ADAMTS13: variants seen among roughly 807,000 people sequenced by gnomAD.
ADAMTS13 encodes ADAM metallopeptidase with thrombospondin type 1 motif 13.
ADAMTS13 carries 110 observed loss-of-function variants against 155.1 expected under a neutral mutation model. That is an observed-to-expected ratio of 0.71 (90% CI 0.61 to 0.83). The LOEUF (loss-of-function observed/expected upper bound fraction) is 0.83. Ranked by LOEUF, ADAMTS13 falls within the 40% of genes least tolerant of loss-of-function variation. The pLI is 0.00. For missense variants in ADAMTS13, 1,707 were observed against 1,891.7 expected, an observed-to-expected ratio of 0.90 and a Z score of 1.81; for synonymous variants, 758 against 756.4, an observed-to-expected ratio of 1.00 and a Z score of -0.03.
At chr9:133,453,793 G>A (rs1240977996) in intron 23 of ADAMTS13, among the ~76,000 whole-genome samples, 1 of 152,214 alleles carries the variant, frequency 6.6e-6, no homozygotes, top group Non-Finnish European at 1.5e-5. Context: ...CTGAGAGGAG[G>A]TGGGGTCTGG....
intron 11 of ADAMTS13, among the ~76,000 whole-genome samples, chr9:133,435,875 C>A (rs782128373): frequency 6.6e-6 from 1 of 152,222 alleles, no homozygotes; most frequent in East Asian, 1.9e-4. Context: ...TCCACAGTGC[C>A]TGAACTGTTT....
intron 25 of ADAMTS13, 70 bp from the exon 26 acceptor site, chr9:133,455,999 G>A (rs1842718505): frequency 3.1e-6 from 5 of 1,603,798 alleles, no homozygotes; most frequent in South Asian, 1.1e-5. Flanking sequence ...TCCTCAGCTT[G>A]GAAGCCCCGG....
intron 23 of ADAMTS13, among the ~76,000 whole-genome samples, chr9:133,451,649 A>G (rs1039112025): frequency 1.3e-5 from 2 of 152,172 alleles, no homozygotes; most frequent in African/African-American, 4.8e-5. Context: ...TCAGCACTTC[A>G]GGAGGCTGAG....
rs782326692 is a variant in ADAMTS13 at position 133,454,638 on chromosome 9, C to T, written c.3249+19C>T. The T allele has an allele frequency of 4.4e-5, 69 of 1,580,134 alleles. No individual in the cohort carries two copies. The highest frequency in any genetic ancestry group is 4.9e-5 in the Non-Finnish European group (57 of 1,170,566). On this transcript the variant is annotated intron_variant, in intron 24 of 28. Coordinates refer to ENST00000355699, the MANE Select transcript of ADAMTS13 (RefSeq NM_139027.6). ...GATGGAGGTGAGCACAGCGGGCACTCGGAATCCCTATGGGGCTGGGGTGGG... is the reference window on the plus strand; with the variant it reads ...GATGGAGGTGAGCACAGCGGGCACTTGGAATCCCTATGGGGCTGGGGTGGG...
At chr9:133,418,180 G>A (rs944691432), upstream of ADAMTS13, 3 of 366,416 alleles carry the variant, frequency 8.2e-6, no homozygotes, top group Admixed American at 9.1e-5. Flanking sequence ...TTTGACTGGG[G>A]CAAGCCGAGG....
In ADAMTS13 at chr9:133,456,303, G is replaced by A. The variant is rs1564445548; in HGVS notation, c.3547+88G>A. The A allele has an allele frequency of 6.3e-7, 1 of 1,591,512 alleles. No homozygotes were observed. The highest frequency in any genetic ancestry group is 8.6e-7 in the Non-Finnish European group (1 of 1,167,868). On this transcript the variant is annotated intron_variant, in intron 26 of 28. Coordinates refer to ENST00000355699, the MANE Select transcript of ADAMTS13 (RefSeq NM_139027.6). The surrounding 1 kb of genome is among the most constrained non-coding windows in gnomAD (Gnocchi z 4.4). ...GCTGCATGCCCCATTCCTGGCAGGAGCCCATGTGCATTCCCACCTGTAGTT... is the reference window on the plus strand; with the variant it reads ...GCTGCATGCCCCATTCCTGGCAGGAACCCATGTGCATTCCCACCTGTAGTT...
chr9:133,436,752 G>A lies in ADAMTS13; in HGVS notation c.1309-77G>A, dbSNP rs1841254544. ...CCACATCTTGATCCTGTACTGTAGG[G>A]TGCCATGTAGTCTCCCAGTGACAAC... On this transcript the variant is annotated intron_variant, in intron 11 of 28. Transcript: ENST00000355699. The A allele has an allele frequency of 4.4e-6, 6 of 1,354,548 alleles. No individual in the cohort carries two copies. In the South Asian group the frequency reaches 7.5e-5, roughly 17 times the overall value. 83.9% of individuals were successfully genotyped at this position (1,354,548 alleles called of 1,614,324 possible). A position where few individuals can be genotyped will look rare whatever the true frequency, so the allele number is the denominator to read the frequency against.
At chr9:133,446,852 T>TTTTTTG (rs1248802844) in intron 21 of ADAMTS13, among the ~76,000 whole-genome samples, 1 of 152,176 alleles carries the variant, frequency 6.6e-6, no homozygotes, top group Non-Finnish European at 1.5e-5. Flanking sequence ...TTCTATGGTT[T>TTTTTTG]TTTTTGTTTT....
At chr9:133,429,040 G>T (rs1403162652) in intron 7 of ADAMTS13, among the ~76,000 whole-genome samples, 1 of 145,640 alleles carries the variant, frequency 6.9e-6, no homozygotes, top group Non-Finnish European at 1.5e-5. Context: ...TCCCCACTCC[G>T]CATTCAGCCC....
chr9:133,416,261 TACTCGTTACTGAGGGGAGGGC>T (rs1839593871), intron 1 of ADAMTS13, among the ~76,000 whole-genome samples: 1 of 152,172 alleles, frequency 6.6e-6, no homozygotes, highest in Non-Finnish European at 1.5e-5. Flanking sequence ...AGTGAGAACT[TACTCGTTACTGAGGGGAGGGC>T]ACCAAGTCAT....
Position 133,441,012 on chromosome 9 carries a change from G to A in ADAMTS13, c.1968+487G>A, listed in dbSNP as rs1554790605. The stretch of plus-strand genomic sequence containing the variant: ...TCTGGGGAGTAGGCCTTGGTGCTGA[G>A]GAAGCTGAGAACAGATGCTGGCTCT... On this transcript the variant is annotated intron_variant, in intron 16 of 28. Coordinates refer to ENST00000355699, the MANE Select transcript of ADAMTS13 (RefSeq NM_139027.6). This position sits in a 1 kb window ranked among gnomAD's most constrained non-coding sequence, Gnocchi z 5.0. Among the ~76,000 whole-genome samples the A allele has an allele frequency of 6.6e-6, 1 of 152,190 alleles. No individual in the cohort carries two copies. Among genetic ancestry groups the A allele is most frequent in the Non-Finnish European group, 1.5e-5 (1 of 68,020 alleles).
Position 133,438,319 on chromosome 9 carries a change from G to T in ADAMTS13, c.1658G>T (p.Ser553Ile). The T allele has an allele frequency of 6.2e-7, 1 of 1,614,150 alleles. No individual in the cohort carries two copies. The highest frequency in any genetic ancestry group is 2.2e-5 in the East Asian group (1 of 44,872). The stretch of plus-strand genomic sequence containing the variant: ...TGCCAGGTGTGTGGTGGGGACAACA[G>T]CACGTGCAGCCCACGGAAGGGCTCT... ...DRCQVCGGDNSTCSPRKGSFT... is the reference protein window; with the variant it reads ...DRCQVCGGDNITCSPRKGSFT... The change falls in exon 14 of 29, where the codon AGC becomes ATC. Residue 553 changes from serine to isoleucine, a missense_variant. Transcript: ENST00000355699.
chr9:133,449,771 A>T lies in ADAMTS13; in HGVS notation c.2862-12A>T, dbSNP rs782090615. ...GGGGCTGTTTGGGGTCCCTGACTCC[A>T]GTTTGCTCCAGGTGGCAGTACAAGC... On this transcript the variant is annotated splice_polypyrimidine_tract_variant and intron_variant, in intron 22 of 28. Transcript: ENST00000355699. 5 of 1,613,458 alleles carry T rather than the reference A, an allele frequency of 3.1e-6. No individual in the cohort carries two copies. The highest frequency in any genetic ancestry group is 3.3e-5 in the Admixed American group (2 of 60,008).
upstream of ADAMTS13, chr9:133,417,632 C>A (rs868543227): frequency 1.9e-6 from 3 of 1,613,856 alleles, no homozygotes; most frequent in African/African-American, 4.0e-5. Flanking sequence ...CTTGCAGCGC[C>A]TTCCAGTTTT....
chr9:133,456,256 C>A lies in ADAMTS13; in HGVS notation c.3547+41C>A, dbSNP rs371461926. Reference sequence around the variant, plus strand: ...TGCAAGCGATGCTGCCAGTTATGGGCCCTGCCAGGAGCCAGCACGACGCTG... The same window carrying A: ...TGCAAGCGATGCTGCCAGTTATGGGACCTGCCAGGAGCCAGCACGACGCTG... On this transcript the variant is annotated intron_variant, in intron 26 of 28. Transcript: ENST00000355699. The surrounding 1 kb of genome is among the most constrained non-coding windows in gnomAD (Gnocchi z 4.4). The A allele has an allele frequency of 3.8e-5, 61 of 1,612,712 alleles. No individual in the cohort carries two copies. In the East Asian group the frequency reaches 9.8e-4, roughly 26 times the overall value.
chr9:133,450,104 C>G (rs912424593), intron 23 of ADAMTS13, 139 bp downstream of exon 23: 2 of 1,007,674 alleles, frequency 2.0e-6, no homozygotes, highest in Middle Eastern at 3.2e-4. Flanking sequence ...GCAAGTCCAA[C>G]CTGGGCAACA....
At chr9:133,426,772 T>C (rs1325017922) in intron 6 of ADAMTS13, among the ~76,000 whole-genome samples, 2 of 152,156 alleles carry the variant, frequency 1.3e-5, no homozygotes, top group Non-Finnish European at 2.9e-5. Flanking sequence ...TGCTGTGCAT[T>C]GCTTTGTTAC....
At position 133,456,977 on chromosome 9, in the gene ADAMTS13, T is replaced by G. The variant is rs2130951684; in HGVS notation, c.3724+258T>G. The G allele has an allele frequency of 1.6e-6, 1 of 607,370 alleles. No homozygotes were observed. The highest frequency in any genetic ancestry group is 1.8e-5 in the African/African-American group (1 of 55,704). The allele number at this position is 607,370 out of a possible 1,614,324, so 37.6% of individuals were successfully genotyped here. On this transcript the variant is annotated intron_variant, in intron 27 of 28. Transcript: ENST00000355699. This position sits in a 1 kb window ranked among gnomAD's most constrained non-coding sequence, Gnocchi z 4.4. ...TGTGGGACATGGTCCACATCCTCAG[T>G]CAGTCCCTCAGGCCTCTGCCCCACA...
chr9:133,440,261 C>T lies in ADAMTS13; in HGVS notation c.1787-83C>T, dbSNP rs975127303. 9.9e-5 allele frequency: 157 copies of T among 1,582,786 alleles called. No homozygotes were observed. The highest frequency in any genetic ancestry group is 7.8e-4 in the East Asian group (35 of 44,714). On this transcript the variant is annotated intron_variant, in intron 15 of 28. Transcript: ENST00000355699. The surrounding 1 kb of genome is among the most constrained non-coding windows in gnomAD (Gnocchi z 4.3). ...CTCCTTAGAGGAGGGCTGGGGACCC[C>T]GGGAAGGAGAGTCACTGACATGTGC...
Sources: allele counts gnomAD v4.1 joint callset (sites outside exome capture counted in the v4.1 genomes callset), GRCh38; gene constraint gnomAD v4.1.1; non-coding constraint Gnocchi (gnomAD v3.1); transcripts MANE v1.5; gene names NCBI Gene and HGNC (gene_info 2026-07-23, HGNC 2026-07-21).